The following DCC variants were observed in gnomAD, a reference collection of about 807,000 sequenced individuals.
DCC encodes netrin receptor DCC.
In DCC, 58 loss-of-function variants were observed where a neutral mutation model predicts 172.5. The ratio of observed to expected loss-of-function variants is 0.34; its 90% CI spans 0.27 to 0.42. The LOEUF is 0.42. DCC is among the 10% of genes least tolerant of loss of function. The probability of loss-of-function intolerance (pLI) is 1.00; values close to 1 mark genes in which losing one functional copy is unlikely to be tolerated. For synonymous variants in DCC, 709 were observed against 644.5 expected, an observed-to-expected ratio of 1.10 and a Z score of -1.52; for missense variants, 1,740 against 1,791.0, an observed-to-expected ratio of 0.97 and a Z score of 0.51.
chr18:52,432,664 G>T (rs573451533), intron 1 of DCC, among the ~76,000 whole-genome samples: 1 of 152,266 alleles, frequency 6.6e-6, no homozygotes, highest in East Asian at 1.9e-4. Context: ...AGAATTGGCT[G>T]CGGATAAATA....
chr18:53,384,880 C>T (rs1908033961), intron 15 of DCC, among the ~76,000 whole-genome samples: 1 of 151,472 alleles, frequency 6.6e-6, no homozygotes, highest in East Asian at 1.9e-4. Context: ...CAGAGTCTCG[C>T]TGTGTCGCGC....
intron 5 of DCC, among the ~76,000 whole-genome samples, chr18:52,980,297 T>C (rs1256784662): frequency 1.3e-5 from 2 of 152,136 alleles, no homozygotes. Context: ...TTTTTTAGAT[T>C]GAATTCAGGT....
chr18:53,459,588 T>A (rs2045526533), intron 24 of DCC, 130 bp downstream of exon 24: 2 of 710,208 alleles, frequency 2.8e-6, no homozygotes. Flanking sequence ...AATAGTTAAA[T>A]GGATCTAATA....
intron 2 of DCC, among the ~76,000 whole-genome samples, chr18:52,894,688 C>T (rs1276216189): frequency 6.6e-6 from 1 of 151,806 alleles, no homozygotes; most frequent in Non-Finnish European, 1.5e-5. Flanking sequence ...AACCAGGAGA[C>T]TTGATGGTGA....
At chr18:53,442,050 A>G (rs1284429018) in intron 22 of DCC, among the ~76,000 whole-genome samples, 4 of 152,180 alleles carry the variant, frequency 2.6e-5, no homozygotes, top group Non-Finnish European at 5.9e-5. Context: ...TGCTTTCATA[A>G]TAAGTCCTTT....
intron 5 of DCC, among the ~76,000 whole-genome samples, chr18:53,021,687 G>A (rs2041884009): frequency 6.6e-6 from 1 of 152,198 alleles, no homozygotes; most frequent in South Asian, 2.1e-4. Context: ...AAGTTCAATT[G>A]ATTGCTTTAA....
At chr18:53,091,863 A>AATCTATCTC (rs1361988339) in intron 7 of DCC, among the ~76,000 whole-genome samples, 3 of 113,918 alleles carry the variant, frequency 2.6e-5, no homozygotes, top group Non-Finnish European at 1.8e-5. Flanking sequence ...ATCTATCTAT[A>AATCTATCTC]TATATATATA....
chr18:53,211,354 G>A (rs1329974864), intron 11 of DCC, among the ~76,000 whole-genome samples: 1 of 152,134 alleles, frequency 6.6e-6, no homozygotes, highest in Admixed American at 6.6e-5. Flanking sequence ...AGTAAATTCA[G>A]AGGCAAGATT....
chr18:53,188,288 G>C (rs2055315380), intron 9 of DCC, among the ~76,000 whole-genome samples: 1 of 152,172 alleles, frequency 6.6e-6, no homozygotes. Context: ...GTACAGGCAT[G>C]CTTATCCTAA....
At chr18:52,515,347 C>T (rs2031590393) in intron 1 of DCC, among the ~76,000 whole-genome samples, 1 of 151,816 alleles carries the variant, frequency 6.6e-6, no homozygotes, top group Non-Finnish European at 1.5e-5. Context: ...GTGGCTCACG[C>T]CTGTAATCTC....
chr18:52,989,099 G>A (rs1051210726), intron 5 of DCC, among the ~76,000 whole-genome samples: 1 of 151,820 alleles, frequency 6.6e-6, no homozygotes, highest in Non-Finnish European at 1.5e-5. Flanking sequence ...ATTACAGTGA[G>A]TGGAGGGATA....
intron 15 of DCC, among the ~76,000 whole-genome samples, chr18:53,346,050 G>A (rs1261441443): frequency 6.6e-6 from 1 of 152,030 alleles, no homozygotes; most frequent in African/African-American, 2.4e-5. Context: ...TTGGAGTACA[G>A]TGGAGCTCTC....
chr18:53,349,438 A>T (rs1009755630), intron 15 of DCC, among the ~76,000 whole-genome samples: 1 of 152,136 alleles, frequency 6.6e-6, no homozygotes, highest in Non-Finnish European at 1.5e-5. Flanking sequence ...ACACTGTTTC[A>T]ACCTCTGCCT....
chr18:52,968,520 C>T (rs1016243637), intron 5 of DCC, among the ~76,000 whole-genome samples: 8 of 152,048 alleles, frequency 5.3e-5, no homozygotes, highest in African/African-American at 1.7e-4. Context: ...TCAGGAGGCT[C>T]GGAGTCTCAC....
At chr18:52,602,853 G>A (rs1437629384) in intron 1 of DCC, among the ~76,000 whole-genome samples, 4 of 151,978 alleles carry the variant, frequency 2.6e-5, no homozygotes, top group African/African-American at 9.7e-5. Context: ...AAATTGCTTT[G>A]CACAATTAAA....
chr18:53,276,166 C>A (rs898953281), intron 12 of DCC, among the ~76,000 whole-genome samples: 2 of 152,074 alleles, frequency 1.3e-5, no homozygotes, highest in Admixed American at 6.6e-5. Flanking sequence ...ATCTTCTCAG[C>A]TGGACAGGAA....
chr18:52,557,217 T>A (rs1250262476), intron 1 of DCC, among the ~76,000 whole-genome samples: 1 of 152,228 alleles, frequency 6.6e-6, no homozygotes, highest in Non-Finnish European at 1.5e-5. Context: ...TGTTAGTGTA[T>A]GGTTATTCAT....
At chr18:52,597,738 A>G (rs1319316524) in intron 1 of DCC, among the ~76,000 whole-genome samples, 1 of 152,192 alleles carries the variant, frequency 6.6e-6, no homozygotes, top group African/African-American at 2.4e-5. Context: ...TTGATCTAGT[A>G]GAAACAGGTT....
intron 2 of DCC, among the ~76,000 whole-genome samples, chr18:52,840,743 A>T (rs1166779264): frequency 1.3e-5 from 2 of 152,174 alleles, no homozygotes; most frequent in Non-Finnish European, 2.9e-5. Flanking sequence ...AAAGTAAAAT[A>T]TTATTCTTAT....
Sources: allele counts gnomAD v4.1 joint callset (sites outside exome capture counted in the v4.1 genomes callset), GRCh38; gene constraint gnomAD v4.1.1; transcripts MANE v1.5; gene names NCBI Gene and HGNC (gene_info 2026-07-23, HGNC 2026-07-21).